Variants in KLHL23 observed in about 807,000 individuals in gnomAD.
The protein encoded by KLHL23 is kelch like family member 23.
KLHL23 carries 33 observed loss-of-function variants against 48.9 expected under a neutral mutation model. The ratio of observed to expected loss-of-function variants is 0.67; its 90% CI spans 0.51 to 0.90. The LOEUF is 0.90. KLHL23 is among the 40% of genes least tolerant of loss of function. KLHL23 has a pLI of 0.00. For synonymous variants in KLHL23, 234 were observed against 231.6 expected, an observed-to-expected ratio of 1.01 and a Z score of -0.09; for missense variants, 608 against 669.6, an observed-to-expected ratio of 0.91 and a Z score of 1.02.
At chr2:169,741,288 A>G in intron 2 of KLHL23, 97 bp from the exon 3 acceptor site, 1 of 1,474,264 alleles carries the variant, frequency 6.8e-7, no homozygotes, top group Non-Finnish European at 9.1e-7. Context: ...GCATTTTACC[A>G]TCAGTAATAA....
At chr2:169,739,144 A>AT (rs1383636783) in intron 2 of KLHL23, among the ~76,000 whole-genome samples, 1 of 149,252 alleles carries the variant, frequency 6.7e-6, no homozygotes, top group Non-Finnish European at 1.5e-5. Flanking sequence ...GGACCTCAAA[A>AT]TCGGTTTGGT....
rs1688937547 is a variant in KLHL23, at chr2:169,750,129, C to CATATATGTGT, written c.*403_*404insGTGTATATAT. On this transcript the variant is annotated 3_prime_UTR_variant, in exon 4 of 4. Coordinates refer to ENST00000392647, the MANE Select transcript of KLHL23 (RefSeq NM_144711.6). Reference sequence around the variant, plus strand: ...ATATATATGTGTGTATATATATACACATATATACGTATATATGTGTATATA... The same window carrying CATATATGTGT: ...ATATATATGTGTGTATATATATACACATATATGTGTATATATACGTATATATGTGTATATA... The CATATATGTGT allele has an allele frequency of 1.2e-4, 6 of 50,542 alleles. No homozygotes were observed. The highest frequency in any genetic ancestry group is 2.4e-4 in the Non-Finnish European group (6 of 25,154). 3.1% of individuals were successfully genotyped at this position (50,542 alleles called of 1,614,324 possible).
rs1448163528 is a variant in KLHL23, at chr2:169,749,778, T to C, written c.*46T>C. On this transcript the variant is annotated 3_prime_UTR_variant, in exon 4 of 4. Transcript: ENST00000392647. ...AAGCAATCACTTTTTTGGAGTATAG[T>C]TTTATAAAAAAAGAATGCAGGGTTT... 1.3e-6 allele frequency: 2 copies of C among 1,529,622 alleles called. No homozygotes were observed. The highest frequency in any genetic ancestry group is 4.1e-5 in the Admixed American group (2 of 48,364). The allele number at this position is 1,529,622 out of a possible 1,614,324, so 94.8% of individuals were successfully genotyped here.
chr2:169,738,121 T>C lies in KLHL23; in HGVS notation c.1213+1894T>C, dbSNP rs184260047. On this transcript the variant is annotated intron_variant, in intron 2 of 3. Transcript: ENST00000392647. ...AACTGGGTCTGAAATTCCAGTTTTA[T>C]ACTTTGAACTCAAAGCTTTGATTCT... Among the ~76,000 whole-genome samples the C allele has an allele frequency of 2.6e-5, 4 of 152,338 alleles. No homozygotes were observed. The East Asian group carries it at 5.8e-4, about 22-fold the overall frequency.
At position 169,735,972 on chromosome 2, in the gene KLHL23, C is replaced by T; in HGVS notation, c.958C>T (p.Pro320Ser). The T allele has an allele frequency of 6.2e-7, 1 of 1,614,134 alleles. No individual in the cohort carries two copies. Among genetic ancestry groups the T allele is most frequent in the Non-Finnish European group, 8.5e-7 (1 of 1,180,024 alleles). ...RESYGVTCLG[P>S]NIYVTGGYRT... ...GAGCTATGGTGTTACATGTTTAGGA[C>T]CCAACATTTATGTAACTGGGGGCTA... Residue 320 changes from proline (P) to serine (S), a missense_variant, in exon 2 of 4, where the codon CCC (proline) becomes TCC (serine). Transcript: ENST00000392647. The surrounding 1 kb of genome is among the most constrained non-coding windows in gnomAD (Gnocchi z 4.5).
chr2:169,749,221 C>G (rs1228760112), intron 3 of KLHL23, among the ~76,000 whole-genome samples: 5 of 152,140 alleles, frequency 3.3e-5, no homozygotes, highest in African/African-American at 7.2e-5. Context: ...GGCAGCATGG[C>G]AGGAACAGGC....
chr2:169,736,371 A>T, intron 2 of KLHL23, 144 bp downstream of exon 2: 1 of 1,256,612 alleles, frequency 8.0e-7, no homozygotes, highest in Non-Finnish European at 1.1e-6. Flanking sequence ...AATGTTCCAG[A>T]TAAAAACAGT....
At chr2:169,748,345 A>G (rs1264988775) in intron 3 of KLHL23, among the ~76,000 whole-genome samples, 1 of 152,230 alleles carries the variant, frequency 6.6e-6, no homozygotes, top group Admixed American at 6.5e-5. Flanking sequence ...GGAACAGCTC[A>G]GCGATAGTGC....
In KLHL23 at chr2:169,735,038, T is replaced by G. The variant is rs1388271565; in HGVS notation, c.24T>G (p.Asp8Glu). MALKGQEDYIYLFKDSTH... is the reference protein window; with the variant it reads MALKGQEEYIYLFKDSTH... The stretch of plus-strand genomic sequence containing the variant: ...CCATGGCTCTAAAAGGACAAGAAGA[T>G]TATATTTATCTTTTCAAGGATTCAA... Residue 8 changes from aspartate (D) to glutamate (E), a missense_variant, in exon 2 of 4, where the codon GAT (aspartate) becomes GAG (glutamate). This residue lies in a region of KLHL23 where 419 missense variants were observed against 473.1 expected (regional missense o/e 0.89). Coordinates refer to ENST00000392647, the MANE Select transcript of KLHL23 (RefSeq NM_144711.6). This position sits in a 1 kb window ranked among gnomAD's most constrained non-coding sequence, Gnocchi z 4.5. 1 of 1,563,688 alleles carries G rather than the reference T, an allele frequency of 6.4e-7. No individual in the cohort carries two copies. Among genetic ancestry groups the G allele is most frequent in the Admixed American group, 2.1e-5 (1 of 47,760 alleles).
At chr2:169,742,485 A>T (rs1688699084) in intron 3 of KLHL23, among the ~76,000 whole-genome samples, 1 of 152,226 alleles carries the variant, frequency 6.6e-6, no homozygotes, top group Non-Finnish European at 1.5e-5. Context: ...ACAGTTTGAA[A>T]GTGGTAGACC....
In KLHL23 at chr2:169,735,049, T is replaced by G. The variant is rs764389982; in HGVS notation, c.35T>G (p.Leu12Arg). ...AAAGGACAAGAAGATTATATTTATC[T>G]TTTCAAGGATTCAACACATCCAGTG... ...ALKGQEDYIY[L>R]FKDSTHPVDF... Residue 12 changes from leucine to arginine, a missense_variant, in exon 2 of 4, where the codon CTT becomes CGT. Physicochemically the swap from Leu to Arg is moderately radical, Grantham distance 102 (BLOSUM62 -2). Coordinates refer to ENST00000392647, the MANE Select transcript of KLHL23 (RefSeq NM_144711.6). The surrounding 1 kb of genome is among the most constrained non-coding windows in gnomAD (Gnocchi z 4.5). 9 of 1,575,778 alleles carry G rather than the reference T, an allele frequency of 5.7e-6. No individual in the cohort carries two copies. The South Asian group carries it at 1.1e-4, about 19-fold the overall frequency.
chr2:169,739,387 G>T (rs1479331011), intron 2 of KLHL23, among the ~76,000 whole-genome samples: 3 of 152,136 alleles, frequency 2.0e-5, no homozygotes, highest in South Asian at 4.1e-4. Context: ...TTGGGCATCA[G>T]TAAGTATCCT....
rs1302442871 is a variant in KLHL23 at position 169,750,075 on chromosome 2, C to CGTGT, written c.*345_*346insGTGT. On this transcript the variant is annotated 3_prime_UTR_variant, in exon 4 of 4. Transcript: ENST00000392647. ...ATGTATACATGTATGTGTATATATA[C>CGTGT]GTATGTATGTATACATATATGTGTA... 1 of 139,190 alleles carries CGTGT rather than the reference C, an allele frequency of 7.2e-6. No homozygotes were observed. Among genetic ancestry groups the CGTGT allele is most frequent in the Non-Finnish European group, 1.5e-5 (1 of 65,112 alleles). 8.6% of individuals were successfully genotyped at this position (139,190 alleles called of 1,614,324 possible).
At chr2:169,734,935 A>C in intron 1 of KLHL23, 78 bp from the exon 2 acceptor site, 3 of 1,483,184 alleles carry the variant, frequency 2.0e-6, no homozygotes, top group Non-Finnish European at 2.7e-6. Flanking sequence ...ATCCGATGAT[A>C]GTCAAGTTAT....
At position 169,750,706 on chromosome 2, in the gene KLHL23, C is replaced by T. The variant is rs1307821070; in HGVS notation, c.*974C>T. 1.3e-5 allele frequency: 2 copies of T among 152,070 alleles called. No individual in the cohort carries two copies. Among genetic ancestry groups the T allele is most frequent in the Non-Finnish European group, 2.9e-5 (2 of 68,014 alleles). 9.4% of individuals were successfully genotyped at this position (152,070 alleles called of 1,614,324 possible). On this transcript the variant is annotated 3_prime_UTR_variant, in exon 4 of 4. Coordinates refer to ENST00000392647, the MANE Select transcript of KLHL23 (RefSeq NM_144711.6). ...CAAAAGATTGTTACTGTTCAAAGAG[C>T]TTACAAACTAAATTTAAAAGAATAG...
At chr2:169,747,978 G>T (rs1471600171) in intron 3 of KLHL23, among the ~76,000 whole-genome samples, 1 of 152,110 alleles carries the variant, frequency 6.6e-6, no homozygotes, top group Admixed American at 6.5e-5. Flanking sequence ...ACAAAAATTA[G>T]CCAGTTGTGA....
At chr2:169,741,659 T>A (rs537569177) in intron 3 of KLHL23, 122 bp downstream of exon 3, 16 of 1,227,886 alleles carry the variant, frequency 1.3e-5, no homozygotes, top group Non-Finnish European at 1.6e-5. Context: ...ATGGGTAGAA[T>A]TAAAAGTCTC....
intron 2 of KLHL23, among the ~76,000 whole-genome samples, chr2:169,737,285 C>T (rs1307377287): frequency 6.6e-6 from 1 of 152,192 alleles, no homozygotes. Context: ...GCATGATTGT[C>T]CTGAATGTCG....
rs1373315113 is a variant in KLHL23, at chr2:169,749,912, CTTAT to C, written c.*181_*184del. On this transcript the variant is annotated 3_prime_UTR_variant, in exon 4 of 4. Transcript: ENST00000392647. ...ATGGTGATTCATGGTCAAGAAAAAT[CTTAT>C]ATATATATATATATACACACACACA... 2 of 259,984 alleles carry C rather than the reference CTTAT, an allele frequency of 7.7e-6. No homozygotes were observed. Among genetic ancestry groups the C allele is most frequent in the Non-Finnish European group, 1.3e-5 (2 of 155,354 alleles). The allele number at this position is 259,984 out of a possible 1,614,324, so 16.1% of individuals were successfully genotyped here.
Sources: allele counts gnomAD v4.1 joint callset (sites outside exome capture counted in the v4.1 genomes callset), GRCh38; gene constraint gnomAD v4.1.1; regional missense constraint gnomAD v4.1.1; non-coding constraint Gnocchi (gnomAD v3.1); transcripts MANE v1.5; gene names NCBI Gene and HGNC (gene_info 2026-07-23, HGNC 2026-07-21).